NFATC2: variants seen among roughly 807,000 people sequenced by gnomAD.
NFATC2 encodes the protein nuclear factor of activated T-cells, cytoplasmic 2.
A neutral mutation model predicts 87.3 loss-of-function variants in NFATC2; 22 were observed. The ratio of observed to expected loss-of-function variants is 0.25; its 90% CI spans 0.18 to 0.36. The LOEUF (loss-of-function observed/expected upper bound fraction) is 0.36. NFATC2 is among the 10% of genes least tolerant of loss of function. The pLI is 1.00. For synonymous variants in NFATC2, 565 were observed against 542.2 expected (o/e 1.04, Z -0.58); for missense variants, 1,149 against 1,259.1 (o/e 0.91, Z 1.32).
intron 1 of NFATC2, among the ~76,000 whole-genome samples, chr20:51,550,590 T>C (rs1219426006): frequency 6.6e-6 from 1 of 151,834 alleles, no homozygotes; most frequent in East Asian, 1.9e-4. Context: ...AAACTCCATC[T>C]CAAATAATAA....
intron 9 of NFATC2, among the ~76,000 whole-genome samples, chr20:51,411,331 C>A (rs117113574): frequency 6.6e-6 from 1 of 151,730 alleles, no homozygotes; most frequent in Non-Finnish European, 1.5e-5. Context: ...CTAAAGTGAC[C>A]CTGAGTTAAC....
intron 3 of NFATC2, among the ~76,000 whole-genome samples, chr20:51,499,228 G>C (rs1398060849): frequency 6.6e-6 from 1 of 152,150 alleles, no homozygotes; most frequent in East Asian, 1.9e-4. Context: ...TGAATGAAGG[G>C]TGCAAGTGGA....
At chr20:51,491,817 A>G (rs973492542) in intron 3 of NFATC2, among the ~76,000 whole-genome samples, 14 of 150,378 alleles carry the variant, frequency 9.3e-5, no homozygotes, top group African/African-American at 3.4e-4. Context: ...CTCTTCTCCC[A>G]TTGATTTTCA....
At chr20:51,553,249 G>C (rs1485295946) in intron 1 of NFATC2, among the ~76,000 whole-genome samples, 1 of 152,136 alleles carries the variant, frequency 6.6e-6, no homozygotes, top group Non-Finnish European at 1.5e-5. Context: ...CTGTGAGCTT[G>C]AGCGCCTGGG....
intron 6 of NFATC2, among the ~76,000 whole-genome samples, chr20:51,447,378 A>G (rs55971497): frequency 0.016 from 2,497 of 152,344 alleles, 76 homozygotes; most frequent in African/African-American, 0.057. Flanking sequence ...GATGCAGGCC[A>G]GTTTCCAACC....
At chr20:51,394,106 A>T (rs1180626259) in intron 10 of NFATC2, among the ~76,000 whole-genome samples, 2 of 152,096 alleles carry the variant, frequency 1.3e-5, no homozygotes, top group African/African-American at 4.8e-5. Context: ...CCTGAGTTCA[A>T]CTGCCGCCCA....
chr20:51,523,419 G>A lies in NFATC2; in HGVS notation c.822C>T (p.Ser274=). The A allele has an allele frequency of 1.2e-6, 2 of 1,608,340 alleles. No individual in the cohort carries two copies. The highest frequency in any genetic ancestry group is 1.7e-6 in the Non-Finnish European group (2 of 1,177,290). The part of the protein sequence containing the change: ...PPGASPQRSR[S]PSPQPSSHVA... ...CGTGAGATGAGGGCTGCGGCGAGGGGCTCCGGGAGCGCTGGGGTGAGGCTC... is the reference window on the plus strand; with the variant it reads ...CGTGAGATGAGGGCTGCGGCGAGGGACTCCGGGAGCGCTGGGGTGAGGCTC... The change falls in exon 2 of 11, where the codon AGC becomes AGT. Residue 274 remains serine (S), a synonymous_variant. Coordinates refer to ENST00000371564, the MANE Select transcript of NFATC2 (RefSeq NM_012340.5). This position sits in a 1 kb window ranked among gnomAD's most constrained non-coding sequence, Gnocchi z 6.9.
chr20:51,429,467 G>A (rs533322445), intron 9 of NFATC2, among the ~76,000 whole-genome samples: 1 of 152,382 alleles, frequency 6.6e-6, no homozygotes, highest in South Asian at 2.1e-4. Flanking sequence ...CTATGGCACA[G>A]GGGACAGGGC....
At chr20:51,451,794 G>T (rs984369218) in intron 6 of NFATC2, among the ~76,000 whole-genome samples, 7 of 152,282 alleles carry the variant, frequency 4.6e-5, no homozygotes, top group Middle Eastern at 6.8e-3. Context: ...CGCCTTAGGA[G>T]AGTCTAATGC....
chr20:51,530,899 G>A (rs548158128), intron 1 of NFATC2, among the ~76,000 whole-genome samples: 10 of 152,238 alleles, frequency 6.6e-5, no homozygotes, highest in East Asian at 3.9e-4. Flanking sequence ...GGATTCACTC[G>A]TCTGTCTACC....
intron 1 of NFATC2, among the ~76,000 whole-genome samples, chr20:51,560,759 A>C (rs2077014065): frequency 6.6e-6 from 1 of 150,520 alleles, no homozygotes. Flanking sequence ...GCATACACCC[A>C]CAATCCCTGC....
At chr20:51,543,725 C>G (rs1485971595), upstream of NFATC2, among the ~76,000 whole-genome samples, 3 of 152,092 alleles carry the variant, frequency 2.0e-5, no homozygotes, top group Non-Finnish European at 4.4e-5. Flanking sequence ...AATTAAGCAC[C>G]CAACGTGAGC....
Position 51,391,056 on chromosome 20 carries a change from C to A in NFATC2, c.*440G>T. ...CCCACATCTTCTGTCCCCCGTCCATCCCCCCAAGCTCCAGTCACTCTGTTC... is the reference window on the plus strand; with the variant it reads ...CCCACATCTTCTGTCCCCCGTCCATACCCCCAAGCTCCAGTCACTCTGTTC... On this transcript the variant is annotated 3_prime_UTR_variant, in exon 11 of 11. Coordinates refer to ENST00000371564, the MANE Select transcript of NFATC2 (RefSeq NM_012340.5). 2 of 435,738 alleles carry A rather than the reference C, an allele frequency of 4.6e-6. No homozygotes were observed. Among genetic ancestry groups the A allele is most frequent in the South Asian group, 2.1e-5 (1 of 48,448 alleles). The allele number at this position is 435,738 out of a possible 1,614,324, so 27.0% of individuals were successfully genotyped here. A position where few individuals can be genotyped will look rare whatever the true frequency, so the allele number is the denominator to read the frequency against.
At chr20:51,455,827 A>G (rs1361987800) in intron 5 of NFATC2, among the ~76,000 whole-genome samples, 20 of 1,954 alleles carry the variant, frequency 0.01, no homozygotes, top group African/African-American at 9.8e-3. Flanking sequence ...TGGATGGATG[A>G]ATTGATGGGT....
intron 1 of NFATC2, among the ~76,000 whole-genome samples, chr20:51,557,606 G>A (rs189600535): frequency 2.0e-4 from 30 of 152,292 alleles, no homozygotes; most frequent in South Asian, 8.3e-4. Flanking sequence ...CACCAGCTCC[G>A]GCTGGGACAA....
intron 10 of NFATC2, among the ~76,000 whole-genome samples, chr20:51,394,647 T>TTTATTTATGAACAGAACA (rs1157201617): frequency 2.0e-5 from 3 of 150,166 alleles, no homozygotes; most frequent in African/African-American, 7.6e-5. Context: ...CTCAATAACA[T>TTTATTTATGAACAGAACA]TTATTTATGA....
At chr20:51,475,029 T>A (rs1239205998) in intron 4 of NFATC2, among the ~76,000 whole-genome samples, 2 of 151,112 alleles carry the variant, frequency 1.3e-5, no homozygotes, top group Non-Finnish European at 2.9e-5. Context: ...AGTGCAGTAG[T>A]GTGATCTCGG....
intron 1 of NFATC2, among the ~76,000 whole-genome samples, chr20:51,548,964 ATGGCTTC>A (rs1224501216): frequency 2.6e-5 from 4 of 152,212 alleles, no homozygotes; most frequent in African/African-American, 9.7e-5. Flanking sequence ...ATCTGACTCA[ATGGCTTC>A]AGGGAAATTC....
intron 1 of NFATC2, among the ~76,000 whole-genome samples, chr20:51,526,846 G>A (rs777862505): frequency 2.2e-4 from 33 of 151,978 alleles, no homozygotes; most frequent in Non-Finnish European, 7.4e-5. Context: ...ATCTACCCTC[G>A]CCTGCATTCA....
Sources: allele counts gnomAD v4.1 joint callset (sites outside exome capture counted in the v4.1 genomes callset), GRCh38; gene constraint gnomAD v4.1.1; non-coding constraint Gnocchi (gnomAD v3.1); transcripts MANE v1.5; gene names NCBI Gene and HGNC (gene_info 2026-07-23, HGNC 2026-07-21).